The following ITGA6 variants were observed in gnomAD, a reference collection of about 807,000 sequenced individuals.
The protein encoded by ITGA6 is integrin subunit alpha 6.
Under a neutral mutation model 133.6 loss-of-function variants are expected in ITGA6, and 63 were observed. The ratio of observed to expected loss-of-function variants is 0.47; its 90% CI spans 0.38 to 0.58. The LOEUF (loss-of-function observed/expected upper bound fraction) is 0.58, where lower values mean the gene tolerates loss of function less well. Ranked by LOEUF, ITGA6 falls within the 20% of genes least tolerant of loss-of-function variation. The probability of loss-of-function intolerance (pLI) is 0.00; values close to 1 mark genes in which losing one functional copy is unlikely to be tolerated. For synonymous variants in ITGA6, 434 were observed against 482.0 expected, an observed-to-expected ratio of 0.90 and a Z score of 1.30; for missense variants, 1,068 against 1,309.4, an observed-to-expected ratio of 0.82 and a Z score of 2.85.
At chr2:172,472,717 T>C in intron 5 of ITGA6, 1 of 1,154,936 alleles carries the variant, frequency 8.7e-7, no homozygotes, top group Non-Finnish European at 1.3e-6. Context: ...CTGTCCTGCC[T>C]CTTACCAAGC....
chr2:172,444,706 C>T (rs867968790), intron 1 of ITGA6, among the ~76,000 whole-genome samples: 1 of 139,850 alleles, frequency 7.2e-6, no homozygotes, highest in Admixed American at 7.4e-5. Context: ...GAGTTTCTTT[C>T]TCTACTTCCC....
intron 23 of ITGA6, among the ~76,000 whole-genome samples, chr2:172,492,772 A>G (rs1361038483): frequency 6.6e-6 from 1 of 152,234 alleles, no homozygotes; most frequent in East Asian, 1.9e-4. Flanking sequence ...TCTTAAGTTA[A>G]TCTGCCAGTC....
At chr2:172,457,758 G>T (rs574715811) in intron 1 of ITGA6, among the ~76,000 whole-genome samples, 6 of 152,122 alleles carry the variant, frequency 3.9e-5, no homozygotes, top group African/African-American at 9.7e-5. Flanking sequence ...CTTCAAACTG[G>T]GGGGGAAGCT....
Position 172,475,833 on chromosome 2 carries a change from G to A in ITGA6, c.1269+148G>A, listed in dbSNP as rs1686151023. 87 of 633,030 alleles carry A rather than the reference G, an allele frequency of 1.4e-4. 1 individual carries two copies. In the South Asian group the frequency reaches 1.6e-3, roughly 11 times the overall value. 39.2% of individuals were successfully genotyped at this position (633,030 alleles called of 1,614,324 possible). On this transcript the variant is annotated intron_variant, in intron 8 of 25. Coordinates refer to ENST00000684293, the MANE Select transcript of ITGA6 (RefSeq NM_000210.4). ...ATTTTTTAAAAATGTATTACTAGAAGATACCTTCAAAATAAATATATAAAT... is the reference window on the plus strand; with the variant it reads ...ATTTTTTAAAAATGTATTACTAGAAAATACCTTCAAAATAAATATATAAAT...
At chr2:172,478,754 A>G (rs758927062) in intron 9 of ITGA6, among the ~76,000 whole-genome samples, 5 of 152,176 alleles carry the variant, frequency 3.3e-5, no homozygotes, top group Non-Finnish European at 7.3e-5. Flanking sequence ...TCGTGGGGGT[A>G]GAAAAGTTGT....
chr2:172,474,415 T>C (rs1686075472), intron 6 of ITGA6, 150 bp downstream of exon 6: 6 of 734,084 alleles, frequency 8.2e-6, no homozygotes, highest in Non-Finnish European at 1.2e-5. Flanking sequence ...ATCATTTCTA[T>C]GATGGCAGCA....
chr2:172,474,800 A>AT, intron 6 of ITGA6, 129 bp from the exon 7 acceptor site: 1 of 709,716 alleles, frequency 1.4e-6, no homozygotes, highest in Non-Finnish European at 2.6e-6. Context: ...AAAAAATGTT[A>AT]TAATTGAGTC....
chr2:172,488,372 A>C lies in ITGA6; in HGVS notation c.2505+144A>C, dbSNP rs911780857. 6 of 697,562 alleles carry C rather than the reference A, an allele frequency of 8.6e-6. No individual in the cohort carries two copies. In the African/African-American group the frequency reaches 8.9e-5, roughly 10 times the overall value. The allele number at this position is 697,562 out of a possible 1,614,324, so 43.2% of individuals were successfully genotyped here. A position where few individuals can be genotyped will look rare whatever the true frequency, so the allele number is the denominator to read the frequency against. On this transcript the variant is annotated intron_variant, in intron 19 of 25. Transcript: ENST00000684293. Reference sequence around the variant, plus strand: ...GTTAAAAATTAGTTTGCCAGCTTTTAAAGAACATACTGGCTTATAGTAAAA... The same window carrying C: ...GTTAAAAATTAGTTTGCCAGCTTTTCAAGAACATACTGGCTTATAGTAAAA...
rs752353495 is a variant in ITGA6, at chr2:172,488,039, G to T, written c.2402+1G>T. 3 of 1,613,752 alleles carry T rather than the reference G, an allele frequency of 1.9e-6. No homozygotes were observed. Among genetic ancestry groups the T allele is most frequent in the Non-Finnish European group, 2.5e-6 (3 of 1,179,688 alleles). On this transcript the variant is annotated splice_donor_variant, in intron 18 of 25. Coordinates refer to ENST00000684293, the MANE Select transcript of ITGA6 (RefSeq NM_000210.4). LOFTEE classifies it high-confidence loss of function. ...TTGAACTGCTTTTATCGGTCTCGGGGTAAGTGTTTGTGTTTAGCATAACAA... is the reference window on the plus strand; with the variant it reads ...TTGAACTGCTTTTATCGGTCTCGGGTTAAGTGTTTGTGTTTAGCATAACAA...
At chr2:172,463,808 A>T (rs1471768942) in intron 1 of ITGA6, among the ~76,000 whole-genome samples, 1 of 152,240 alleles carries the variant, frequency 6.6e-6, no homozygotes, top group Admixed American at 6.5e-5. Flanking sequence ...TCTGCCAAGT[A>T]CAGTAATTTA....
chr2:172,472,479 A>G (rs1685983979), intron 5 of ITGA6, among the ~76,000 whole-genome samples: 1 of 152,198 alleles, frequency 6.6e-6, no homozygotes, highest in Non-Finnish European at 1.5e-5. Context: ...TTTTTTCTCA[A>G]ACACATTTGC....
chr2:172,480,832 A>G (rs1274751045), intron 11 of ITGA6: 2 of 152,216 alleles, frequency 1.3e-5, no homozygotes, highest in Admixed American at 6.5e-5. Flanking sequence ...GTAGGTGTAT[A>G]TATTTATGGG....
intron 1 of ITGA6, among the ~76,000 whole-genome samples, chr2:172,445,354 CAAA>C (rs1027666620): frequency 9.5e-6 from 1 of 104,812 alleles, no homozygotes. Context: ...TTTTTTTTAA[CAAA>C]AAAAAAAAAA....
At chr2:172,495,595 C>G (rs1042912563) in intron 23 of ITGA6, 2 of 152,254 alleles carry the variant, frequency 1.3e-5, no homozygotes, top group Non-Finnish European at 2.9e-5. Context: ...ATAAAGTCTT[C>G]CTGACTGGCC....
At chr2:172,455,828 C>T (rs1418480965) in intron 1 of ITGA6, among the ~76,000 whole-genome samples, 1 of 152,202 alleles carries the variant, frequency 6.6e-6, no homozygotes, top group African/African-American at 2.4e-5. Flanking sequence ...TTAAAGTACA[C>T]ACACACCAAC....
intron 13 of ITGA6, 67 bp downstream of exon 13, chr2:172,485,331 T>C: frequency 7.4e-7 from 1 of 1,359,056 alleles, no homozygotes; most frequent in Non-Finnish European, 1.1e-6. Flanking sequence ...TCAAATGTCT[T>C]TGAAGGGAAT....
chr2:172,479,356 G>A (rs547410079), intron 9 of ITGA6, among the ~76,000 whole-genome samples: 3 of 152,312 alleles, frequency 2.0e-5, no homozygotes, highest in South Asian at 2.1e-4. Flanking sequence ...TTGGGTGTTC[G>A]GGTGGGAATG....
intron 3 of ITGA6, among the ~76,000 whole-genome samples, chr2:172,468,463 T>C (rs555289654): frequency 9.2e-5 from 14 of 152,364 alleles, no homozygotes; most frequent in Admixed American, 4.6e-4. Flanking sequence ...GAAAATTGAT[T>C]TGATACTGTA....
At chr2:172,479,839 T>C (rs1686354218) in intron 10 of ITGA6, 100 bp downstream of exon 10, 2 of 1,221,442 alleles carry the variant, frequency 1.6e-6, no homozygotes, top group Non-Finnish European at 2.4e-6. Flanking sequence ...ATGACAGGAG[T>C]GCTGGGCAAA....
Sources: gnomAD v4.1 joint callset for allele counts (sites outside exome capture counted in the v4.1 genomes callset) on GRCh38, gnomAD v4.1.1 for gene constraint, MANE v1.5 for transcripts, NCBI Gene and HGNC (gene_info 2026-07-23, HGNC 2026-07-21) for gene names.